PTPRN: variants seen among roughly 807,000 people sequenced by gnomAD.
The protein encoded by PTPRN is receptor-type tyrosine-protein phosphatase-like N.
In PTPRN, 70 loss-of-function variants were observed where a neutral mutation model predicts 108.5. That is an observed-to-expected ratio of 0.65 (90% CI 0.53 to 0.79). The LOEUF is 0.79. PTPRN is among the 30% of genes least tolerant of loss of function. PTPRN has a pLI of 0.00. For missense variants in PTPRN, 1,136 were observed against 1,295.5 expected, an observed-to-expected ratio of 0.88 and a Z score of 1.89; for synonymous variants, 496 against 524.6, an observed-to-expected ratio of 0.95 and a Z score of 0.75.
intron 7 of PTPRN, among the ~76,000 whole-genome samples, chr2:219,301,302 G>T (rs1174861180): frequency 1.3e-5 from 2 of 148,564 alleles, no homozygotes; most frequent in Non-Finnish European, 3.0e-5. Context: ...GGCCCTCATT[G>T]TCACCAACCC....
chr2:219,303,897 G>T, intron 3 of PTPRN, 66 bp from the exon 4 acceptor site: 1 of 1,262,182 alleles, frequency 7.9e-7, no homozygotes, highest in East Asian at 2.4e-5. Flanking sequence ...GGGACCACTG[G>T]GGATCAGAAC....
chr2:219,304,240 ATTG>A (rs1277715847), intron 3 of PTPRN: 1 of 155,576 alleles, frequency 6.4e-6, no homozygotes, highest in Non-Finnish European at 1.4e-5. Flanking sequence ...TATTATTACT[ATTG>A]TTATTATTCT....
rs747547938 is a variant in PTPRN at position 219,301,675 on chromosome 2, C to T, written c.1039G>A (p.Val347Ile). Residue 347 changes from valine to isoleucine, a missense_variant, in exon 7 of 23, where the codon GTA becomes ATA. Coordinates refer to ENST00000295718, the MANE Select transcript of PTPRN (RefSeq NM_002846.4). ...RLAAVLAGYG[V>I]ELRQLTPEQL... ...TCAGGGGTCAGCTGACGCAGCTCTACCCCATAGCCCGCCAGCACAGCGGCC... is the reference window on the plus strand; with the variant it reads ...TCAGGGGTCAGCTGACGCAGCTCTATCCCATAGCCCGCCAGCACAGCGGCC... 1.9e-6 allele frequency: 3 copies of T among 1,613,222 alleles called. No individual in the cohort carries two copies. The highest frequency in any genetic ancestry group is 1.1e-5 in the South Asian group (1 of 91,068).
At chr2:219,300,788 C>A (rs1952326954) in intron 8 of PTPRN, among the ~76,000 whole-genome samples, 155 bp downstream of exon 8, 1 of 152,136 alleles carries the variant, frequency 6.6e-6, no homozygotes, top group Admixed American at 6.5e-5. Context: ...TGATGGGAGA[C>A]CTTAGGCAAT....
At chr2:219,292,075 C>T (rs1044635156) in intron 19 of PTPRN, 6 of 160,640 alleles carry the variant, frequency 3.7e-5, no homozygotes, top group African/African-American at 7.2e-5. Flanking sequence ...GTTTTCCTCC[C>T]GACTCAGGCT....
Position 219,297,099 on chromosome 2 carries a change from G to A in PTPRN, c.2122C>T (p.Arg708Cys), listed in dbSNP as rs1239772835. The change falls in exon 15 of 23, where the codon CGC becomes TGC. Residue 708 changes from arginine (R) to cysteine (C), a missense_variant. Coordinates refer to ENST00000295718, the MANE Select transcript of PTPRN (RefSeq NM_002846.4). This position sits in a 1 kb window ranked among gnomAD's most constrained non-coding sequence, Gnocchi z 6.0. ...AGGGCCTGCCACTCCTTGGCAAGGC[G>A]GTCCCGGTTCCGCAGGTGATCCTCC... ...YMEDHLRNRD[R>C]LAKEWQALCA... The A allele has an allele frequency of 3.7e-6, 6 of 1,614,134 alleles. No homozygotes were observed. The highest frequency in any genetic ancestry group is 2.2e-5 in the East Asian group (1 of 44,872).
chr2:219,301,565 C>T (rs773770812), intron 7 of PTPRN, 23 bp downstream of exon 7: 2 of 1,594,884 alleles, frequency 1.3e-6, no homozygotes, highest in African/African-American at 2.7e-5. Flanking sequence ...GATATTGGTC[C>T]CTCCCTCTGC....
At chr2:219,301,438 C>T in intron 7 of PTPRN, 150 bp downstream of exon 7, 1 of 1,163,246 alleles carries the variant, frequency 8.6e-7, no homozygotes, top group Non-Finnish European at 1.2e-6. Context: ...TGCTCCCTGC[C>T]TTGCTGGCAA....
intron 1 of PTPRN, 80 bp downstream of exon 1, chr2:219,309,138 C>A: frequency 6.8e-7 from 1 of 1,465,230 alleles, no homozygotes; most frequent in Middle Eastern, 1.7e-4. Flanking sequence ...ACATTTCACC[C>A]TCACCCCCAC....
In PTPRN at chr2:219,303,760, G is replaced by C. The variant is rs147728110; in HGVS notation, c.352C>G (p.Pro118Ala). The C allele has an allele frequency of 4.3e-6, 7 of 1,613,954 alleles. No homozygotes were observed. Among genetic ancestry groups the C allele is most frequent in the African/African-American group, 2.7e-5 (2 of 74,922 alleles). ...CTGTCCCTTGGACGGGGCTCTGGGG[G>C]GCGAAGCCTGGGGATGCGCTCCATC... ...QEMERIPRLR[P>A]PEPRPRDRSG... Residue 118 changes from proline (P) to alanine (A), a missense_variant, in exon 4 of 23, where the codon CCC (proline) becomes GCC (alanine). Transcript: ENST00000295718.
intron 20 of PTPRN, 29 bp downstream of exon 20, chr2:219,291,441 C>T (rs764648551): frequency 1.2e-6 from 2 of 1,609,212 alleles, no homozygotes; most frequent in Non-Finnish European, 1.7e-6. Flanking sequence ...GGGAGTGGGA[C>T]CAGAGAGATG....
chr2:219,290,269 A>G lies in PTPRN; in HGVS notation c.2897T>C (p.Val966Ala), dbSNP rs769892057. The G allele has an allele frequency of 7.6e-5, 123 of 1,613,666 alleles. 2 individuals are homozygous for G. The South Asian group carries it at 1.2e-3, about 16-fold the overall frequency. ...KDQFEFALTA[V>A]AEEVNAILKA... ...GAGGATGGCATTCACTTCCTCCGCC[A>G]CGGCTGTCAGGGCAAATTCAAACTG... The change falls in exon 23 of 23, where the codon GTG becomes GCG. Residue 966 changes from valine (V) to alanine (A), a missense_variant. Transcript: ENST00000295718. The surrounding 1 kb of genome is among the most constrained non-coding windows in gnomAD (Gnocchi z 4.2).
Position 219,297,233 on chromosome 2 carries a change from CA to C in PTPRN, c.2087del (p.Leu696ArgfsTer56). On this transcript the variant is annotated frameshift_variant and splice_region_variant, in exon 14 of 23. Transcript: ENST00000295718. LOFTEE classifies it high-confidence loss of function. This position sits in a 1 kb window ranked among gnomAD's most constrained non-coding sequence, Gnocchi z 6.0. ...CTCTGGGCCCAGGCCCTGTCCTGACCAGAATCATGTGTCCCGTGGAGATGTC... is the reference window on the plus strand; with the variant it reads ...CTCTGGGCCCAGGCCCTGTCCTGACCGAATCATGTGTCCCGTGGAGATGTC... ...NMDISTGHMI[L>X]AYMEDHLRNR... 1 of 1,613,668 alleles carries C rather than the reference CA, an allele frequency of 6.2e-7. No homozygotes were observed. The highest frequency in any genetic ancestry group is 8.5e-7 in the Non-Finnish European group (1 of 1,179,764).
chr2:219,303,757 G>T lies in PTPRN; in HGVS notation c.355C>A (p.Pro119Thr), dbSNP rs1364396262. The change falls in exon 4 of 23, where the codon CCA (proline) becomes ACA (threonine). Residue 119 changes from proline to threonine, a missense_variant. Pro to Thr is a conservative substitution (Grantham distance 38, BLOSUM62 -1). Transcript: ENST00000295718. ...TACCTGTCCCTTGGACGGGGCTCTG[G>T]GGGGCGAAGCCTGGGGATGCGCTCC... is the stretch of plus-strand genomic sequence containing the variant. ...EMERIPRLRPPEPRPRDRSGL... is the reference protein window; with the variant it reads ...EMERIPRLRPTEPRPRDRSGL... The T allele has an allele frequency of 2.5e-6, 4 of 1,613,950 alleles. No homozygotes were observed. The highest frequency in any genetic ancestry group is 3.4e-6 in the Non-Finnish European group (4 of 1,179,960).
intron 19 of PTPRN, 109 bp from the exon 20 acceptor site, chr2:219,291,632 G>A (rs564572961): frequency 3.7e-5 from 41 of 1,100,484 alleles, no homozygotes; most frequent in Admixed American, 8.1e-5. Flanking sequence ...CCACCTGCCC[G>A]GGGCAGAGAG....
intron 9 of PTPRN, 73 bp downstream of exon 9, chr2:219,299,912 C>A: frequency 6.3e-7 from 1 of 1,590,724 alleles, no homozygotes; most frequent in South Asian, 1.1e-5. Flanking sequence ...TGGATTTCTG[C>A]CCTCTGCTTC....
Position 219,296,658 on chromosome 2 carries a change from G to A in PTPRN, c.2310+91C>T. ...TCAGGCCCCACCACTCCAGGGGGTT[G>A]GTGGGGTGGCAGGTGACCACGGGGA... On this transcript the variant is annotated intron_variant, in intron 16 of 22. Transcript: ENST00000295718. This position sits in a 1 kb window ranked among gnomAD's most constrained non-coding sequence, Gnocchi z 6.0. 6.4e-7 allele frequency: 1 copy of A among 1,564,268 alleles called. No individual in the cohort carries two copies. Among genetic ancestry groups the A allele is most frequent in the Non-Finnish European group, 8.8e-7 (1 of 1,142,012 alleles).
In PTPRN at chr2:219,302,209, A is replaced by T; in HGVS notation, c.922T>A (p.Ser308Thr). 1 of 1,613,812 alleles carries T rather than the reference A, an allele frequency of 6.2e-7. No homozygotes were observed. Among genetic ancestry groups the T allele is most frequent in the Non-Finnish European group, 8.5e-7 (1 of 1,179,876 alleles). Residue 308 changes from serine to threonine, a missense_variant, in exon 6 of 23, where the codon TCC becomes ACC. Transcript: ENST00000295718. The stretch of plus-strand genomic sequence containing the variant: ...CCTTCCTTCTCATAGCCCTCTGGGG[A>T]GTCCTCTGCCCGGCTGCTGCTCCCT... ...EQGSSSRAED[S>T]PEGYEKEGLG...
Position 219,293,993 on chromosome 2 carries a change from C to T in PTPRN, c.2675+982G>A, listed in dbSNP as rs1041753149. On this transcript the variant is annotated intron_variant, in intron 19 of 22. Transcript: ENST00000295718. Reference sequence around the variant, plus strand: ...CTAGTCCCCACCTGCTCCACTGAGCCCCCCAGAATCCAGAGATCCTCCCAC... The same window carrying T: ...CTAGTCCCCACCTGCTCCACTGAGCTCCCCAGAATCCAGAGATCCTCCCAC... 62 of 456,596 alleles carry T rather than the reference C, an allele frequency of 1.4e-4. 2 individuals carry two copies. Among genetic ancestry groups the T allele is most frequent in the South Asian group, 9.5e-4 (61 of 64,298 alleles). The allele number at this position is 456,596 out of a possible 1,614,324, so 28.3% of individuals were successfully genotyped here. A position where few individuals can be genotyped will look rare whatever the true frequency, so the allele number is the denominator to read the frequency against.
Sources: gnomAD v4.1 joint callset for allele counts (sites outside exome capture counted in the v4.1 genomes callset) on GRCh38, gnomAD v4.1.1 for gene constraint, Gnocchi (gnomAD v3.1) non-coding constraint, MANE v1.5 for transcripts, NCBI Gene and HGNC (gene_info 2026-07-23, HGNC 2026-07-21) for gene names.